The following RYR3 variants were observed in gnomAD, a reference collection of about 807,000 sequenced individuals.
RYR3 encodes the protein ryanodine receptor 3, also known as brain ryanodine receptor-calcium release channel.
A neutral mutation model predicts 584.3 loss-of-function variants in RYR3; 207 were observed. That is an observed-to-expected ratio of 0.35 (90% CI 0.32 to 0.40). The LOEUF is 0.40. Ranked by LOEUF, RYR3 falls within the 10% of genes least tolerant of loss-of-function variation. The pLI, the probability that RYR3 is intolerant of heterozygous loss-of-function variation, is 1.00. For synonymous variants in RYR3, 2,416 were observed against 2,248.5 expected (o/e 1.07, Z -2.11); for missense variants, 5,616 against 6,089.2 (o/e 0.92, Z 2.59).
rs150837372 is a variant in RYR3, at chr15:33,840,802, G to A, written c.12979-23G>A. The A allele has an allele frequency of 3.9e-5, 63 of 1,612,726 alleles. No homozygotes were observed. In the East Asian group the frequency reaches 1.3e-3, roughly 33 times the overall value. Reference sequence around the variant, plus strand: ...GACCTCGCTTCTTTGAGGAAAGCTTGACTAATTGTTATTTTTGTCTAGGCA... The same window carrying A: ...GACCTCGCTTCTTTGAGGAAAGCTTAACTAATTGTTATTTTTGTCTAGGCA... On this transcript the variant is annotated intron_variant, in intron 89 of 103. Coordinates refer to ENST00000634891, the MANE Select transcript of RYR3 (RefSeq NM_001036.6).
At chr15:33,378,562 T>C (rs192696661) in intron 1 of RYR3, among the ~76,000 whole-genome samples, 11 of 152,292 alleles carry the variant, frequency 7.2e-5, no homozygotes, top group Non-Finnish European at 1.3e-4. Flanking sequence ...AAGAAGCAAA[T>C]AAGGAGAAGG....
At chr15:33,849,485 C>T (rs894118312) in intron 94 of RYR3, 4 of 152,184 alleles carry the variant, frequency 2.6e-5, no homozygotes, top group Admixed American at 1.3e-4. Flanking sequence ...ATGCCTGGCA[C>T]GTGGTAGGCA....
intron 84 of RYR3, 31 bp downstream of exon 84, chr15:33,826,783 A>G (rs1452373982): frequency 7.0e-7 from 1 of 1,430,462 alleles, no homozygotes; most frequent in Non-Finnish European, 9.3e-7. Context: ...TGCCAAGGAA[A>G]CACAGCACTC....
chr15:33,402,838 A>G (rs1041915257), intron 1 of RYR3, among the ~76,000 whole-genome samples: 1 of 152,320 alleles, frequency 6.6e-6, no homozygotes. Flanking sequence ...TATGAAATCA[A>G]ATGCCTTATG....
intron 7 of RYR3, 101 bp downstream of exon 7, chr15:33,540,991 T>G: frequency 1.4e-6 from 1 of 729,570 alleles, no homozygotes; most frequent in East Asian, 2.6e-5. Context: ...CTGAATGTCT[T>G]GGTACACAGG....
At chr15:33,491,986 A>G (rs896554740) in intron 2 of RYR3, among the ~76,000 whole-genome samples, 2 of 152,214 alleles carry the variant, frequency 1.3e-5, no homozygotes, top group African/African-American at 4.8e-5. Flanking sequence ...CAACCTCCAT[A>G]CTTACAGTTC....
chr15:33,572,803 C>T (rs2058101750), intron 12 of RYR3, among the ~76,000 whole-genome samples: 1 of 151,846 alleles, frequency 6.6e-6, no homozygotes, highest in Middle Eastern at 3.4e-3. Context: ...GGAGAAACCC[C>T]GTCTTTACTA....
intron 67 of RYR3, among the ~76,000 whole-genome samples, chr15:33,794,344 T>TA (rs1396154396): frequency 4.4e-5 from 6 of 137,738 alleles, no homozygotes; most frequent in Non-Finnish European, 9.4e-5. Context: ...TTTATATATA[T>TA]AAAAATATAT....
chr15:33,576,242 GGA>G (rs1261069003), intron 12 of RYR3, among the ~76,000 whole-genome samples: 10 of 152,186 alleles, frequency 6.6e-5, no homozygotes, highest in Non-Finnish European at 1.5e-4. Context: ...CAATTGAAAA[GGA>G]GAGACTCCTC....
rs536027269 is a variant in RYR3 at position 33,805,769 on chromosome 15, A to G, written c.10012-1786A>G. Reference sequence around the variant, plus strand: ...TGGGATTACAGGCTTGAGCCACCACACCCGGCCTTCTCTTTTGTTTTTATT... The same window carrying G: ...TGGGATTACAGGCTTGAGCCACCACGCCCGGCCTTCTCTTTTGTTTTTATT... On this transcript the variant is annotated intron_variant, in intron 69 of 103. Transcript: ENST00000634891. Among the ~76,000 whole-genome samples, 248 of 151,188 alleles carry G rather than the reference A, an allele frequency of 1.6e-3. 1 individual carries two copies. Among genetic ancestry groups the G allele is most frequent in the Admixed American group, 2.8e-3 (42 of 15,192 alleles).
chr15:33,626,286 A>G (rs915500780), intron 20 of RYR3, among the ~76,000 whole-genome samples: 1 of 152,178 alleles, frequency 6.6e-6, no homozygotes, highest in East Asian at 1.9e-4. Flanking sequence ...TCAGATGGAG[A>G]TAGAGGAACT....
chr15:33,719,387 C>T (rs1339606205), intron 43 of RYR3, among the ~76,000 whole-genome samples: 1 of 152,214 alleles, frequency 6.6e-6, no homozygotes, highest in East Asian at 1.9e-4. Context: ...ATCCCACCAA[C>T]TTCGTGATGC....
Position 33,859,573 on chromosome 15 carries a change from A to G in RYR3, c.14143-2A>G. On this transcript the variant is annotated splice_acceptor_variant, in intron 99 of 103. Coordinates refer to ENST00000634891, the MANE Select transcript of RYR3 (RefSeq NM_001036.6). LOFTEE classifies it high-confidence loss of function. ...TAAATCCCCCTTATTTTTCTTCTCTAGTGTTACCTTTTCCACATGTACGTG... is the reference window on the plus strand; with the variant it reads ...TAAATCCCCCTTATTTTTCTTCTCTGGTGTTACCTTTTCCACATGTACGTG... The G allele has an allele frequency of 6.2e-7, 1 of 1,613,858 alleles. No homozygotes were observed. The highest frequency in any genetic ancestry group is 8.5e-7 in the Non-Finnish European group (1 of 1,179,840).
intron 15 of RYR3, among the ~76,000 whole-genome samples, chr15:33,585,482 T>C (rs2152523118): frequency 1.3e-5 from 2 of 152,294 alleles, no homozygotes; most frequent in South Asian, 4.2e-4. Flanking sequence ...CCAAATAGAC[T>C]TTATTGTGTG....
rs1967378969 is a variant in RYR3 at position 33,311,941 on chromosome 15, G to T, written c.51+845G>T. Among the ~76,000 whole-genome samples the T allele has an allele frequency of 6.6e-6, 1 of 152,196 alleles. No homozygotes were observed. Among genetic ancestry groups the T allele is most frequent in the Non-Finnish European group, 1.5e-5 (1 of 68,038 alleles). ...AGACTTTCAGGGTGGACGGCCACCC[G>T]GAGGGGTGGGGGCATTGGGGATGCA... On this transcript the variant is annotated intron_variant, in intron 1 of 103. Transcript: ENST00000634891. The surrounding 1 kb of genome is among the most constrained non-coding windows in gnomAD (Gnocchi z 4.4).
chr15:33,573,657 T>C (rs1220646765), intron 12 of RYR3, among the ~76,000 whole-genome samples: 3 of 152,218 alleles, frequency 2.0e-5, no homozygotes, highest in Non-Finnish European at 4.4e-5. Flanking sequence ...GGACCTCACT[T>C]GAATTTAATA....
chr15:33,670,963 A>G (rs1157409786), intron 38 of RYR3, among the ~76,000 whole-genome samples: 2 of 152,158 alleles, frequency 1.3e-5, no homozygotes, highest in Admixed American at 1.3e-4. Flanking sequence ...AAAATAAAAT[A>G]ATAATAAAAG....
chr15:33,825,526 A>T, intron 81 of RYR3, 77 bp from the exon 82 acceptor site: 1 of 904,672 alleles, frequency 1.1e-6, no homozygotes, highest in Non-Finnish European at 1.8e-6. Context: ...TGCTTAGTCG[A>T]TAGGTACATT....
intron 86 of RYR3, among the ~76,000 whole-genome samples, chr15:33,832,346 C>CTAT (rs1156343672): frequency 1.3e-5 from 2 of 151,612 alleles, no homozygotes; most frequent in Non-Finnish European, 2.9e-5. Flanking sequence ...ATCATATATA[C>CTAT]TGTGCTTAAT....
Sources: allele counts gnomAD v4.1 joint callset (sites outside exome capture counted in the v4.1 genomes callset), GRCh38; gene constraint gnomAD v4.1.1; non-coding constraint Gnocchi (gnomAD v3.1); transcripts MANE v1.5; gene names NCBI Gene and HGNC (gene_info 2026-07-23, HGNC 2026-07-21).